ME3: variants seen among roughly 807,000 people sequenced by gnomAD.
ME3 encodes malic enzyme 3.
Under a neutral mutation model 68.9 loss-of-function variants are expected in ME3, and 48 were observed. The observed-to-expected ratio is 0.70, with a 90% CI of 0.55 to 0.89. The LOEUF (loss-of-function observed/expected upper bound fraction) is 0.89. ME3 is among the 40% of genes least tolerant of loss of function. The pLI is 0.00. For missense variants in ME3, 675 were observed against 797.4 expected (o/e 0.85, Z 1.85); for synonymous variants, 320 against 318.8 (o/e 1.00, Z -0.04).
intron 2 of ME3, among the ~76,000 whole-genome samples, chr11:86,641,004 T>C (rs1944633441): frequency 7.1e-6 from 1 of 141,756 alleles, no homozygotes; most frequent in Non-Finnish European, 1.5e-5. Flanking sequence ...GGGAGCAAGC[T>C]AAGCACACAT....
At chr11:86,477,927 G>T (rs1322542374) in intron 7 of ME3, among the ~76,000 whole-genome samples, 1 of 152,106 alleles carries the variant, frequency 6.6e-6, no homozygotes, top group Admixed American at 6.5e-5. Flanking sequence ...TGAGAACATG[G>T]GGGAGCTGGA....
chr11:86,483,950 TCC>T (rs1363160130), intron 7 of ME3, among the ~76,000 whole-genome samples: 1 of 152,224 alleles, frequency 6.6e-6, no homozygotes, highest in African/African-American at 2.4e-5. Context: ...AATGCACCCA[TCC>T]ACTGCATGAC....
At chr11:86,545,171 A>G (rs9705039) in intron 4 of ME3, among the ~76,000 whole-genome samples, 61,477 of 152,028 alleles carry the variant, frequency 0.4, 12,586 homozygotes, top group South Asian at 0.51. Flanking sequence ...AAGTATCTCA[A>G]AATAATAAGA....
intron 2 of ME3, among the ~76,000 whole-genome samples, chr11:86,568,786 G>T (rs115834530): frequency 0.01 from 1,564 of 152,300 alleles, 28 homozygotes; most frequent in African/African-American, 0.036. Flanking sequence ...GAGCCCTACT[G>T]TGTACTTGAC....
At chr11:86,603,432 T>G (rs1296923498) in intron 2 of ME3, among the ~76,000 whole-genome samples, 2 of 152,138 alleles carry the variant, frequency 1.3e-5, no homozygotes, top group African/African-American at 2.4e-5. Context: ...TGGCAATCAT[T>G]AAAAAGTCAG....
chr11:86,657,613 T>C (rs1945989659), intron 2 of ME3, among the ~76,000 whole-genome samples: 1 of 152,074 alleles, frequency 6.6e-6, no homozygotes, highest in African/African-American at 2.4e-5. Flanking sequence ...AGAACTTCAG[T>C]ATAATAATAA....
intron 4 of ME3, among the ~76,000 whole-genome samples, chr11:86,548,028 A>G (rs1001090084): frequency 6.6e-6 from 1 of 152,180 alleles, no homozygotes; most frequent in Non-Finnish European, 1.5e-5. Flanking sequence ...GGAAAACATA[A>G]TGTCTGCATT....
chr11:86,537,260 C>A (rs2139318769), intron 4 of ME3, among the ~76,000 whole-genome samples: 1 of 150,394 alleles, frequency 6.6e-6, no homozygotes, highest in East Asian at 1.9e-4. Flanking sequence ...ACAATGTGCA[C>A]ATGTACCCTA....
At chr11:86,552,259 A>C (rs1565942054) in intron 4 of ME3, among the ~76,000 whole-genome samples, 1 of 152,222 alleles carries the variant, frequency 6.6e-6, no homozygotes, top group Non-Finnish European at 1.5e-5. Flanking sequence ...TCAGGAGCTG[A>C]GATTCAAGGC....
chr11:86,666,122 T>G (rs1397697343), intron 2 of ME3, among the ~76,000 whole-genome samples: 1 of 152,210 alleles, frequency 6.6e-6, no homozygotes. Flanking sequence ...GTAGAATTTT[T>G]AGCTGAATAC....
chr11:86,475,954 G>A (rs1951062894), intron 7 of ME3, among the ~76,000 whole-genome samples: 1 of 151,764 alleles, frequency 6.6e-6, no homozygotes, highest in South Asian at 2.1e-4. Flanking sequence ...GAGGGACTCA[G>A]AATGTGAACA....
At chr11:86,441,655 C>T (rs1160331472) in intron 14 of ME3, among the ~76,000 whole-genome samples, 1 of 152,136 alleles carries the variant, frequency 6.6e-6, no homozygotes, top group Non-Finnish European at 1.5e-5. Flanking sequence ...GAGCCAGGGT[C>T]AAGAGGCTTC....
At chr11:86,546,419 A>G (rs1422819640) in intron 4 of ME3, among the ~76,000 whole-genome samples, 1 of 152,242 alleles carries the variant, frequency 6.6e-6, no homozygotes, top group African/African-American at 2.4e-5. Context: ...TATCCATCTG[A>G]CAAAGGGCTA....
intron 7 of ME3, among the ~76,000 whole-genome samples, chr11:86,479,288 C>G (rs74966981): frequency 0.067 from 10,203 of 152,238 alleles, 377 homozygotes; most frequent in Non-Finnish European, 0.084. Context: ...GCTATGCCAC[C>G]AGTTTCCCTG....
chr11:86,595,867 G>C (rs1244919324), intron 2 of ME3, among the ~76,000 whole-genome samples: 1 of 152,238 alleles, frequency 6.6e-6, no homozygotes, highest in Non-Finnish European at 1.5e-5. Flanking sequence ...AGTTGTGTTA[G>C]AGGGCACCTC....
At chr11:86,448,946 T>C (rs942258248) in intron 10 of ME3, among the ~76,000 whole-genome samples, 1 of 152,072 alleles carries the variant, frequency 6.6e-6, no homozygotes, top group Non-Finnish European at 1.5e-5. Context: ...TGTTGAAAGA[T>C]GGATAAGAGG....
chr11:86,548,399 C>T (rs1266074213), intron 4 of ME3, among the ~76,000 whole-genome samples: 1 of 152,168 alleles, frequency 6.6e-6, no homozygotes, highest in Non-Finnish European at 1.5e-5. Flanking sequence ...TTTGGAAGGA[C>T]TCCTCCTCCT....
intron 2 of ME3, among the ~76,000 whole-genome samples, chr11:86,646,111 A>T (rs1944995361): frequency 6.6e-6 from 1 of 152,250 alleles, no homozygotes; most frequent in African/African-American, 2.4e-5. Flanking sequence ...CAGGGCAAAA[A>T]GGCTGAAAAT....
chr11:86,614,864 G>C (rs1027450573), intron 2 of ME3, among the ~76,000 whole-genome samples: 1 of 152,134 alleles, frequency 6.6e-6, no homozygotes, highest in African/African-American at 2.4e-5. Flanking sequence ...TGCATATTAA[G>C]AGCTTGGTAC....
Sources: allele counts gnomAD v4.1 joint callset (sites outside exome capture counted in the v4.1 genomes callset), GRCh38; gene constraint gnomAD v4.1.1; transcripts MANE v1.5; gene names NCBI Gene and HGNC (gene_info 2026-07-23, HGNC 2026-07-21).